RBFOX1: variants seen among roughly 807,000 people sequenced by gnomAD.
RBFOX1 encodes the protein RNA binding fox-1 homolog 1, also known as RNA binding protein fox-1 homolog 1.
Under a neutral mutation model 57.7 loss-of-function variants are expected in RBFOX1, and 8 were observed. That is an observed-to-expected ratio of 0.14 (90% confidence interval 0.08 to 0.25). The LOEUF (loss-of-function observed/expected upper bound fraction) is 0.25, where lower values mean the gene tolerates loss of function less well. Ranked by LOEUF, RBFOX1 falls within the 10% of genes least tolerant of loss-of-function variation. The pLI, the probability that RBFOX1 is intolerant of heterozygous loss-of-function variation, is 1.00. For synonymous variants in RBFOX1, 326 were observed against 222.4 expected (o/e 1.47, Z -4.15); for missense variants, 611 against 548.5 (o/e 1.11, Z -1.14).
intron 1 of RBFOX1, among the ~76,000 whole-genome samples, chr16:6,070,217 A>G (rs1391213416): frequency 6.6e-6 from 1 of 152,188 alleles, no homozygotes; most frequent in Non-Finnish European, 1.5e-5. Flanking sequence ...ATCCCTGGGG[A>G]GATTTTGAGT....
intron 4 of RBFOX1, among the ~76,000 whole-genome samples, chr16:7,307,655 G>A (rs189603613): frequency 2.0e-5 from 3 of 152,190 alleles, no homozygotes; most frequent in East Asian, 1.9e-4. Context: ...CTGCAAGGTG[G>A]GATAATGCTA....
At chr16:7,081,254 T>A (rs1231373469) in intron 4 of RBFOX1, among the ~76,000 whole-genome samples, 2 of 152,194 alleles carry the variant, frequency 1.3e-5, no homozygotes, top group East Asian at 3.9e-4. Flanking sequence ...GGGCTGGTCT[T>A]GAACTGCTGA....
At chr16:5,798,444 C>G (rs887126996) in intron 3 of RBFOX1, among the ~76,000 whole-genome samples, 9 of 152,192 alleles carry the variant, frequency 5.9e-5, no homozygotes, top group Non-Finnish European at 4.4e-5. Flanking sequence ...CCCAGGTGGA[C>G]TGGGAGGATA....
In RBFOX1 at chr16:7,587,240, T is replaced by C. The variant is rs2094179961; in HGVS notation, c.415-7T>C. On this transcript the variant is annotated splice_region_variant and splice_polypyrimidine_tract_variant and intron_variant, in intron 6 of 15. Coordinates refer to ENST00000550418, the MANE Select transcript of RBFOX1 (RefSeq NM_018723.4). The stretch of plus-strand genomic sequence containing the variant: ...CTTGCTTATAAGATATTTCTATTTC[T>C]TTGCAGCAATTTGGTAAAATCTTAG... 6.4e-7 allele frequency: 1 copy of C among 1,567,894 alleles called. No homozygotes were observed. The highest frequency in any genetic ancestry group is 8.6e-7 in the Non-Finnish European group (1 of 1,156,876).
chr16:5,748,088 T>A (rs1352472071), intron 3 of RBFOX1, among the ~76,000 whole-genome samples: 1 of 152,310 alleles, frequency 6.6e-6, no homozygotes, highest in Middle Eastern at 3.4e-3. Context: ...TTGTTCTCAT[T>A]GGTTTCAAAG....
chr16:6,735,656 T>G (rs1262310824), intron 3 of RBFOX1, among the ~76,000 whole-genome samples: 1 of 152,174 alleles, frequency 6.6e-6, no homozygotes, highest in Non-Finnish European at 1.5e-5. Context: ...AATGTTTGGG[T>G]AACAATGCTG....
intron 4 of RBFOX1, among the ~76,000 whole-genome samples, chr16:7,102,911 A>G (rs150199554): frequency 8.9e-4 from 135 of 152,266 alleles, no homozygotes; most frequent in African/African-American, 3.0e-3. Flanking sequence ...TATTGTGAGT[A>G]TTGGAGTTTA....
At chr16:6,183,520 A>AAATAAAT (rs1555540938) in intron 1 of RBFOX1, among the ~76,000 whole-genome samples, 2 of 150,282 alleles carry the variant, frequency 1.3e-5, no homozygotes, top group Non-Finnish European at 1.5e-5. Flanking sequence ...ATAAATAAAT[A>AAATAAAT]AATAAATGTA....
chr16:6,452,298 G>A (rs764971426), intron 2 of RBFOX1, among the ~76,000 whole-genome samples: 2 of 145,204 alleles, frequency 1.4e-5, no homozygotes, highest in Admixed American at 6.8e-5. Flanking sequence ...ATCCATGGCT[G>A]CATCCTTTCA....
At chr16:7,030,312 A>T (rs1486789061) in intron 3 of RBFOX1, among the ~76,000 whole-genome samples, 6 of 152,188 alleles carry the variant, frequency 3.9e-5, no homozygotes, top group Admixed American at 1.3e-4. Context: ...TGAGGAAATG[A>T]GGCATATGAA....
chr16:7,247,658 C>A (rs1367571802), intron 4 of RBFOX1, among the ~76,000 whole-genome samples: 2 of 152,222 alleles, frequency 1.3e-5, no homozygotes, highest in African/African-American at 4.8e-5. Context: ...ACATTAGTGA[C>A]TGCTTGTCAT....
chr16:7,272,951 T>C (rs4538032), intron 4 of RBFOX1, among the ~76,000 whole-genome samples: 64,225 of 137,342 alleles, frequency 0.47, 17,041 homozygotes, highest in African/African-American at 0.74. Flanking sequence ...TTCCCTGCTT[T>C]CTTCCTTTTC....
chr16:5,658,071 T>C (rs184292736), intron 3 of RBFOX1, among the ~76,000 whole-genome samples: 2 of 152,254 alleles, frequency 1.3e-5, no homozygotes, highest in Non-Finnish European at 2.9e-5. Flanking sequence ...TGATCCAGAC[T>C]CCAGGGCAGG....
chr16:5,352,631 C>T (rs1045861840), intron 1 of RBFOX1, among the ~76,000 whole-genome samples: 1 of 152,082 alleles, frequency 6.6e-6, no homozygotes, highest in Non-Finnish European at 1.5e-5. Flanking sequence ...TGAGCACACT[C>T]AAGAAATTTA....
At chr16:5,388,797 G>A (rs891642300) in intron 1 of RBFOX1, among the ~76,000 whole-genome samples, 2 of 151,766 alleles carry the variant, frequency 1.3e-5, no homozygotes, top group Non-Finnish European at 2.9e-5. Flanking sequence ...GGCTGGTCTC[G>A]AGCTCCTGAC....
chr16:5,933,864 GGTTT>G (rs2059118104), intron 4 of RBFOX1, among the ~76,000 whole-genome samples: 1 of 151,848 alleles, frequency 6.6e-6, no homozygotes, highest in Non-Finnish European at 1.5e-5. Flanking sequence ...GAGTGATGGG[GGTTT>G]GTTGTACAGA....
At chr16:6,809,306 T>A (rs1318712360) in intron 3 of RBFOX1, among the ~76,000 whole-genome samples, 1 of 152,182 alleles carries the variant, frequency 6.6e-6, no homozygotes, top group Non-Finnish European at 1.5e-5. Flanking sequence ...TTGGCTGAAG[T>A]TTTTCTTTAA....
At chr16:6,017,278 A>G (rs2095000172), upstream of RBFOX1, among the ~76,000 whole-genome samples, 1 of 152,214 alleles carries the variant, frequency 6.6e-6, no homozygotes, top group Non-Finnish European at 1.5e-5. Flanking sequence ...ACAAAACAGT[A>G]TATTCCAACA....
At chr16:6,610,315 G>T (rs1040457128) in intron 2 of RBFOX1, among the ~76,000 whole-genome samples, 7 of 152,004 alleles carry the variant, frequency 4.6e-5, no homozygotes, top group Admixed American at 1.3e-4. Flanking sequence ...TCTGGACCAG[G>T]GAAACATTGA....
Sources: gnomAD v4.1 joint callset for allele counts (sites outside exome capture counted in the v4.1 genomes callset) on GRCh38, gnomAD v4.1.1 for gene constraint, MANE v1.5 for transcripts, NCBI Gene and HGNC (gene_info 2026-07-23, HGNC 2026-07-21) for gene names.